Variants in SLC25A19 observed in about 807,000 individuals in gnomAD.
SLC25A19 encodes the protein solute carrier family 25 member 19, also known as mitochondrial thiamine pyrophosphate carrier.
Under a neutral mutation model 27.9 loss-of-function variants are expected in SLC25A19, and 18 were observed. The ratio of observed to expected loss-of-function variants is 0.64; its 90% CI spans 0.45 to 0.96. The LOEUF is 0.96. SLC25A19 is among the 40% of genes least tolerant of loss of function. SLC25A19 has a pLI of 0.00. For missense variants in SLC25A19, 371 were observed against 418.3 expected, an observed-to-expected ratio of 0.89 and a Z score of 0.99; for synonymous variants, 169 against 167.1, an observed-to-expected ratio of 1.01 and a Z score of -0.09.
At chr17:75,285,264 G>A (rs1254419064) in intron 4 of SLC25A19, among the ~76,000 whole-genome samples, 1 of 151,662 alleles carries the variant, frequency 6.6e-6, no homozygotes, top group African/African-American at 2.4e-5. Context: ...TCAGCCAACT[G>A]AAGATGGCCT....
chr17:75,274,378 A>C (rs2077810849), intron 7 of SLC25A19, among the ~76,000 whole-genome samples: 1 of 152,060 alleles, frequency 6.6e-6, no homozygotes, highest in Non-Finnish European at 1.5e-5. Flanking sequence ...ATTCATCCCC[A>C]GGCACAACCC....
chr17:75,277,584 C>T (rs2077923432), intron 6 of SLC25A19, 101 bp from the exon 7 acceptor site: 1 of 1,391,764 alleles, frequency 7.2e-7, no homozygotes, highest in African/African-American at 1.4e-5. Context: ...ACAAACCAAA[C>T]CCCACAAGCG....
At chr17:75,288,192 C>G (rs1299303545) in intron 2 of SLC25A19, 1 of 152,410 alleles carries the variant, frequency 6.6e-6, no homozygotes, top group East Asian at 1.9e-4. Context: ...CGCTCCTGGG[C>G]TCCCCTGACT....
At chr17:75,280,432 G>A (rs944600295) in intron 5 of SLC25A19, among the ~76,000 whole-genome samples, 1 of 152,066 alleles carries the variant, frequency 6.6e-6, no homozygotes, top group Non-Finnish European at 1.5e-5. Context: ...CACTTTGGGA[G>A]GCTCAGGTGG....
chr17:75,276,501 G>A (rs2077890338), intron 7 of SLC25A19, among the ~76,000 whole-genome samples: 1 of 151,694 alleles, frequency 6.6e-6, no homozygotes, highest in African/African-American at 2.4e-5. Flanking sequence ...CCGAGTAGCT[G>A]GGACTACAGG....
rs1567844020 is a variant in SLC25A19, at chr17:75,286,769, G to T, written c.-5C>A. ...TTTGGGGTCATAGCCAACCATCCCT[G>T]CCTCTGGCCCACACAATGTCCATCA... On this transcript the variant is annotated 5_prime_UTR_variant, in exon 3 of 8. Coordinates refer to ENST00000416858, the MANE Select transcript of SLC25A19 (RefSeq NM_001126121.2). 6.2e-7 allele frequency: 1 copy of T among 1,614,068 alleles called. No individual in the cohort carries two copies. The highest frequency in any genetic ancestry group is 8.5e-7 in the Non-Finnish European group (1 of 1,179,992).
intron 4 of SLC25A19, among the ~76,000 whole-genome samples, chr17:75,285,778 T>C (rs961682667): frequency 6.6e-6 from 1 of 152,254 alleles, no homozygotes; most frequent in Non-Finnish European, 1.5e-5. Flanking sequence ...GTTTGCACTG[T>C]ACAGGGCTGG....
intron 7 of SLC25A19, among the ~76,000 whole-genome samples, chr17:75,274,151 G>T (rs940538859): frequency 6.6e-6 from 1 of 152,182 alleles, no homozygotes; most frequent in Non-Finnish European, 1.5e-5. Context: ...AAGCTGGACA[G>T]CGCTCCTTCC....
rs1205215453 is a variant in SLC25A19, at chr17:75,283,452, T to C, written c.430A>G (p.Thr144Ala). The change falls in exon 5 of 8, where the codon ACC becomes GCC. Residue 144 changes from threonine to alanine, a missense_variant. By Grantham distance (58) the Thr-to-Ala change is moderately conservative. Coordinates refer to ENST00000416858, the MANE Select transcript of SLC25A19 (RefSeq NM_001126121.2). Reference sequence around the variant, plus strand: ...GGCTCACCCTGAGCTGCAAAGCGGGTGCGCAGAACATCCACGGGGTGCACA... The same window carrying C: ...GGCTCACCCTGAGCTGCAAAGCGGGCGCGCAGAACATCCACGGGGTGCACA... Reference protein sequence around the residue: ...LTVHPVDVLRTRFAAQGEPKV... With the variant: ...LTVHPVDVLRARFAAQGEPKV... The C allele has an allele frequency of 6.2e-7, 1 of 1,612,078 alleles. No individual in the cohort carries two copies. Among genetic ancestry groups the C allele is most frequent in the African/African-American group, 1.3e-5 (1 of 74,850 alleles).
intron 5 of SLC25A19, among the ~76,000 whole-genome samples, chr17:75,278,608 A>G (rs1010891381): frequency 6.6e-6 from 1 of 152,168 alleles, no homozygotes; most frequent in African/African-American, 2.4e-5. Flanking sequence ...GGAAGAGCTA[A>G]AGACGCGATG....
In SLC25A19 at chr17:75,273,338, C is replaced by T. The variant is rs780528476; in HGVS notation, c.*113G>A. 4.2e-5 allele frequency: 53 copies of T among 1,262,452 alleles called. No homozygotes were observed. Among genetic ancestry groups the T allele is most frequent in the African/African-American group, 7.4e-5 (5 of 67,914 alleles). 78.2% of individuals were successfully genotyped at this position (1,262,452 alleles called of 1,614,324 possible). ...CTGGGTGGGTTCAAGGCTGCTACCC[C>T]GCTTGGGGCAGCTGGCCTGCAGGGA... On this transcript the variant is annotated 3_prime_UTR_variant, in exon 8 of 8. Coordinates refer to ENST00000416858, the MANE Select transcript of SLC25A19 (RefSeq NM_001126121.2).
At chr17:75,283,373 A>G (rs746389034) in intron 5 of SLC25A19, 50 bp downstream of exon 5, 22 of 1,585,312 alleles carry the variant, frequency 1.4e-5, no homozygotes, top group Non-Finnish European at 1.8e-5. Context: ...TACCCCTGTG[A>G]CAACACCTTC....
At chr17:75,274,891 G>A (rs116156451) in intron 7 of SLC25A19, among the ~76,000 whole-genome samples, 99 of 148,530 alleles carry the variant, frequency 6.7e-4, no homozygotes, top group African/African-American at 2.3e-3. Flanking sequence ...AAATGTACAT[G>A]TGTATTTATG....
Position 75,286,331 on chromosome 17 carries a change from A to G in SLC25A19, c.261T>C (p.Ile87=). ...AFWKGHVPAQ[I]LSIGYGAVQF... The stretch of plus-strand genomic sequence containing the variant: ...GGACAGCTCCATAGCCTATGGAGAG[A>G]ATCTGAGCTGGGACGTGTCCTTTCC... The change falls in exon 4 of 8, where the codon ATT becomes ATC. Residue 87 remains isoleucine (I), a synonymous_variant. Coordinates refer to ENST00000416858, the MANE Select transcript of SLC25A19 (RefSeq NM_001126121.2). 1 of 1,614,044 alleles carries G rather than the reference A, an allele frequency of 6.2e-7. No individual in the cohort carries two copies.
At chr17:75,278,968 C>T (rs749991181) in intron 5 of SLC25A19, among the ~76,000 whole-genome samples, 16 of 150,916 alleles carry the variant, frequency 1.1e-4, no homozygotes, top group Non-Finnish European at 1.2e-4. Flanking sequence ...GGGTGACAGG[C>T]GGAGACTCTG....
chr17:75,286,720 C>G lies in SLC25A19; in HGVS notation c.45G>C (p.Lys15Asn), dbSNP rs764806574. The G allele has an allele frequency of 6.2e-7, 1 of 1,614,228 alleles. No individual in the cohort carries two copies. The highest frequency in any genetic ancestry group is 8.5e-7 in the Non-Finnish European group (1 of 1,180,050). The stretch of plus-strand genomic sequence containing the variant: ...CAGACCCAGCCACTGCCACCTGGAA[C>G]TTGGTGTTATTCCTGCCATCTGGTT... The part of the protein sequence containing the change: ...DPKPDGRNNT[K>N]FQVAVAGSVS... Residue 15 changes from lysine to asparagine, a missense_variant, in exon 3 of 8, where the codon AAG (lysine) becomes AAC (asparagine). By Grantham distance (94) the Lys-to-Asn change is moderately conservative. Transcript: ENST00000416858.
At position 75,284,633 on chromosome 17, in the gene SLC25A19, C is replaced by CATTTTTTTTTTTTTTTTTTT. The variant is rs776356552; in HGVS notation, c.289-1041_289-1040insAAAAAAAAAAAAAAAAAAAT. Among the ~76,000 whole-genome samples the CATTTTTTTTTTTTTTTTTTT allele has an allele frequency of 6.2e-5, 7 of 112,292 alleles. 3 individuals are homozygous for CATTTTTTTTTTTTTTTTTTT. Among genetic ancestry groups the CATTTTTTTTTTTTTTTTTTT allele is most frequent in the African/African-American group, 6.8e-5 (2 of 29,396 alleles). 73.7% of individuals were successfully genotyped at this position (112,292 alleles called of 152,430 possible). ...GTGACCCCCTTACATTCAGATCTTT[C>CATTTTTTTTTTTTTTTTTTT]TTTTTTTTTTTTTTTTTTTTTTTTT... On this transcript the variant is annotated intron_variant, in intron 4 of 7. Coordinates refer to ENST00000416858, the MANE Select transcript of SLC25A19 (RefSeq NM_001126121.2).
In SLC25A19 at chr17:75,286,626, A is replaced by C; in HGVS notation, c.132+7T>G. On this transcript the variant is annotated splice_region_variant and intron_variant, in intron 3 of 7. Coordinates refer to ENST00000416858, the MANE Select transcript of SLC25A19 (RefSeq NM_001126121.2). ...CAGTCCATTGCATGGAAAAAGGGGA[A>C]GAGTACCTGGAAACGGATCTTGATG... The C allele has an allele frequency of 6.2e-7, 1 of 1,614,184 alleles. No homozygotes were observed. The highest frequency in any genetic ancestry group is 1.3e-5 in the African/African-American group (1 of 75,034).
At chr17:75,274,665 G>C (rs1312424736) in intron 7 of SLC25A19, among the ~76,000 whole-genome samples, 1 of 152,086 alleles carries the variant, frequency 6.6e-6, no homozygotes, top group South Asian at 2.1e-4. Context: ...CTTCATGCTG[G>C]GTGCAGTGGT....
Sources: gnomAD v4.1 joint callset for allele counts (sites outside exome capture counted in the v4.1 genomes callset) on GRCh38, gnomAD v4.1.1 for gene constraint, MANE v1.5 for transcripts, NCBI Gene and HGNC (gene_info 2026-07-23, HGNC 2026-07-21) for gene names.